The following TRIP13 variants were observed in gnomAD, a reference collection of about 807,000 sequenced individuals.
The protein encoded by TRIP13 is thyroid hormone receptor interactor 13, also known as pachytene checkpoint protein 2 homolog.
A neutral mutation model predicts 54.4 loss-of-function variants in TRIP13; 25 were observed. The observed-to-expected ratio is 0.46, with a 90% CI of 0.33 to 0.64. TRIP13 has a LOEUF of 0.64. Among genes scored for constraint, TRIP13 ranks in the 30% least tolerant of loss-of-function variants. The pLI, the probability that TRIP13 is intolerant of heterozygous loss-of-function variation, is 0.02. For missense variants in TRIP13, 373 were observed against 534.2 expected (o/e 0.70, Z 2.97); for synonymous variants, 207 against 207.8 (o/e 1.00, Z 0.03).
chr5:896,869 G>C, intron 3 of TRIP13, 75 bp downstream of exon 3: 1 of 1,459,212 alleles, frequency 6.9e-7, no homozygotes, highest in Non-Finnish European at 9.2e-7. Flanking sequence ...TCAGTTCACA[G>C]GGGGGGTTCT....
rs770859150 is a variant in TRIP13 at position 892,964 on chromosome 5, G to T, written c.-35G>T. 4.8e-5 allele frequency: 71 copies of T among 1,468,956 alleles called. No homozygotes were observed. Among genetic ancestry groups the T allele is most frequent in the Admixed American group, 2.6e-4 (10 of 38,974 alleles). The allele number at this position is 1,468,956 out of a possible 1,614,324, so 91.0% of individuals were successfully genotyped here. A position where few individuals can be genotyped will look rare whatever the true frequency, so the allele number is the denominator to read the frequency against. On this transcript the variant is annotated 5_prime_UTR_variant, in exon 1 of 13. Coordinates refer to ENST00000166345, the MANE Select transcript of TRIP13 (RefSeq NM_004237.4). ...CTGGGCGTGAGGTGGCGGCGGCCGC[G>T]CCCTGGTTGGGTCCCCACTGCTCTC...
Position 911,738 on chromosome 5 carries a change from G to T in TRIP13, c.867-105G>T, listed in dbSNP as rs947235257. The T allele has an allele frequency of 2.8e-6, 4 of 1,427,426 alleles. No individual in the cohort carries two copies. In the African/African-American group the frequency reaches 5.7e-5, roughly 20 times the overall value. 88.4% of individuals were successfully genotyped at this position (1,427,426 alleles called of 1,614,324 possible). On this transcript the variant is annotated intron_variant, in intron 9 of 12. Transcript: ENST00000166345. The surrounding 1 kb of genome is among the most constrained non-coding windows in gnomAD (Gnocchi z 4.7). ...AAGGCCACTTTCCTTCCTGTTGGCA[G>T]CCTGCTGGCCATCGTCCTGCCAACC...
intron 9 of TRIP13, among the ~76,000 whole-genome samples, chr5:909,169 G>C (rs1432110273): frequency 1.3e-5 from 2 of 152,152 alleles, no homozygotes; most frequent in African/African-American, 2.4e-5. Context: ...GTGTGCAGAT[G>C]GTCCACGTCT....
chr5:900,528 C>T lies in TRIP13; in HGVS notation c.423C>T (p.Tyr141=), dbSNP rs1240211104. Residue 141 remains tyrosine (Y), a synonymous_variant, in exon 4 of 13, where the codon TAC becomes TAT. Coordinates refer to ENST00000166345, the MANE Select transcript of TRIP13 (RefSeq NM_004237.4). The part of the protein sequence containing the change: ...EFHGLWDSLV[Y]DVEVKSHLLD... ...ATGGGCTTTGGGACAGCTTGGTATACGATGTGGAAGTCAAATCCCATGTAA... is the reference window on the plus strand; with the variant it reads ...ATGGGCTTTGGGACAGCTTGGTATATGATGTGGAAGTCAAATCCCATGTAA... 2.0e-5 allele frequency: 32 copies of T among 1,611,556 alleles called. No individual in the cohort carries two copies. Among genetic ancestry groups the T allele is most frequent in the African/African-American group, 2.7e-5 (2 of 74,840 alleles).
chr5:893,449 C>G (rs190497607), intron 1 of TRIP13, among the ~76,000 whole-genome samples: 10 of 152,252 alleles, frequency 6.6e-5, no homozygotes, highest in Non-Finnish European at 1.0e-4. Context: ...AATAGGATGG[C>G]TGCGCATTAC....
At chr5:900,179 A>G (rs1364371475) in intron 3 of TRIP13, among the ~76,000 whole-genome samples, 2 of 152,272 alleles carry the variant, frequency 1.3e-5, no homozygotes, top group African/African-American at 2.4e-5. Flanking sequence ...AATACCTTAA[A>G]GAAGGATGGG....
Position 896,068 on chromosome 5 carries a change from CTG to C in TRIP13, c.259-594_259-593del, listed in dbSNP as rs530428139. On this transcript the variant is annotated intron_variant, in intron 2 of 12. Transcript: ENST00000166345. ...GTGGCTCATGCCTGTAGTCCCAGCA[CTG>C]TGGGAGAAGGATGGAAGGATCACTT... is the stretch of plus-strand genomic sequence containing the variant. Among the ~76,000 whole-genome samples the C allele has an allele frequency of 8.3e-4, 127 of 152,308 alleles. 1 individual carries two copies. Among genetic ancestry groups the C allele is most frequent in the Admixed American group, 5.1e-3 (78 of 15,304 alleles).
intron 2 of TRIP13, among the ~76,000 whole-genome samples, chr5:895,178 C>A (rs1216127185): frequency 2.0e-5 from 3 of 152,158 alleles, no homozygotes; most frequent in Admixed American, 2.0e-4. Context: ...AGATTGGAAA[C>A]CAGGAATGAG....
At position 901,415 on chromosome 5, in the gene TRIP13, G is replaced by A; in HGVS notation, c.519G>A (p.Arg173=). 6.2e-7 allele frequency: 1 copy of A among 1,614,122 alleles called. No homozygotes were observed. Among genetic ancestry groups the A allele is most frequent in the South Asian group, 1.1e-5 (1 of 91,066 alleles). ...NVNSNLITWN[R]VVLLHGPPGT... is the part of the protein sequence containing the mutation. ...ACAGCAACCTCATCACCTGGAACCG[G>A]GTGGTGCTGCTCCACGGTAAATTAT... Residue 173 remains arginine (R), a synonymous_variant, in exon 5 of 13, where the codon CGG becomes CGA. Coordinates refer to ENST00000166345, the MANE Select transcript of TRIP13 (RefSeq NM_004237.4).
intron 5 of TRIP13, among the ~76,000 whole-genome samples, chr5:903,768 T>A (rs180764644): frequency 6.6e-6 from 1 of 152,274 alleles, no homozygotes; most frequent in East Asian, 1.9e-4. Context: ...GAAAGGTGCC[T>A]TGATGAGTGG....
chr5:908,824 G>T lies in TRIP13; in HGVS notation c.866+363G>T, dbSNP rs1039724440. ...ATACAAAAAATTAGCTGGGCATGAT[G>T]GCGGGCGCCTGTAGTCCCAGCTACT... On this transcript the variant is annotated intron_variant, in intron 9 of 12. Coordinates refer to ENST00000166345, the MANE Select transcript of TRIP13 (RefSeq NM_004237.4). This position sits in a 1 kb window ranked among gnomAD's most constrained non-coding sequence, Gnocchi z 5.2. 64 of 331,978 alleles carry T rather than the reference G, an allele frequency of 1.9e-4. No individual in the cohort carries two copies. The highest frequency in any genetic ancestry group is 9.0e-4 in the Admixed American group (19 of 21,074). The allele number at this position is 331,978 out of a possible 1,614,324, so 20.6% of individuals were successfully genotyped here. A position where few individuals can be genotyped will look rare whatever the true frequency, so the allele number is the denominator to read the frequency against.
Position 901,498 on chromosome 5 carries a change from G to A in TRIP13, c.535+67G>A, listed in dbSNP as rs535708451. On this transcript the variant is annotated intron_variant, in intron 5 of 12. Coordinates refer to ENST00000166345, the MANE Select transcript of TRIP13 (RefSeq NM_004237.4). ...AAATTTAGCCTTTACTTGTACCTTCGTCCTTCTGCAAGGAGTTACGGCTCT... is the reference window on the plus strand; with the variant it reads ...AAATTTAGCCTTTACTTGTACCTTCATCCTTCTGCAAGGAGTTACGGCTCT... 3.0e-4 allele frequency: 445 copies of A among 1,494,446 alleles called. 1 individual carries two copies. The highest frequency in any genetic ancestry group is 1.3e-3 in the East Asian group (57 of 44,076). 92.6% of individuals were successfully genotyped at this position (1,494,446 alleles called of 1,614,324 possible). A position where few individuals can be genotyped will look rare whatever the true frequency, so the allele number is the denominator to read the frequency against.
At chr5:910,582 G>A (rs894024694) in intron 9 of TRIP13, among the ~76,000 whole-genome samples, 4 of 152,188 alleles carry the variant, frequency 2.6e-5, no homozygotes, top group Non-Finnish European at 5.9e-5. Flanking sequence ...GGAGGCCACC[G>A]TGACTTCTCC....
rs572828439 is a variant in TRIP13 at position 903,141 on chromosome 5, G to C, written c.536-1007G>C. Among the ~76,000 whole-genome samples, 44 of 152,122 alleles carry C rather than the reference G, an allele frequency of 2.9e-4. 1 individual carries two copies. In the South Asian group the frequency reaches 8.9e-3, roughly 31 times the overall value. On this transcript the variant is annotated intron_variant, in intron 5 of 12. Coordinates refer to ENST00000166345, the MANE Select transcript of TRIP13 (RefSeq NM_004237.4). ...AGAGTCTTCTCTAAACTCCCCGGGGGAAAGGGAGACTCCCTTTCCCGGTCT... is the reference window on the plus strand; with the variant it reads ...AGAGTCTTCTCTAAACTCCCCGGGGCAAAGGGAGACTCCCTTTCCCGGTCT...
At position 911,930 on chromosome 5, in the gene TRIP13, C is replaced by A; in HGVS notation, c.954C>A (p.Tyr318Ter). Residue 318 changes from tyrosine to a stop codon, truncating the protein, a stop_gained, in exon 10 of 13, where the codon TAC becomes TAA. Coordinates refer to ENST00000166345, the MANE Select transcript of TRIP13 (RefSeq NM_004237.4). LOFTEE classifies it high-confidence loss of function. The surrounding 1 kb of genome is among the most constrained non-coding windows in gnomAD (Gnocchi z 4.7). ...AFVDRADIKQ[Y>*]IGPPSAAAIF... ...TGGACAGGGCTGACATCAAGCAGTA[C>A]ATTGGGCCACCCTCTGCAGCAGCCA... 1 of 1,613,798 alleles carries A rather than the reference C, an allele frequency of 6.2e-7. No individual in the cohort carries two copies. The highest frequency in any genetic ancestry group is 8.5e-7 in the Non-Finnish European group (1 of 1,179,986).
At chr5:904,347 C>G (rs915235071) in intron 6 of TRIP13, 127 bp downstream of exon 6, 7 of 727,164 alleles carry the variant, frequency 9.6e-6, no homozygotes, top group Non-Finnish European at 2.2e-6. Flanking sequence ...TCACTTGATT[C>G]CTCTGTATTC....
downstream of TRIP13, among the ~76,000 whole-genome samples, chr5:918,426 C>G (rs917524098): frequency 1.3e-5 from 2 of 152,204 alleles, no homozygotes; most frequent in African/African-American, 2.4e-5. The surrounding 1 kb of genome is among the most constrained non-coding windows in gnomAD (Gnocchi z 4.3). Context: ...ACAGCTCCCC[C>G]ACCTCCACTC....
intron 12 of TRIP13, among the ~76,000 whole-genome samples, chr5:916,795 G>T (rs948062912): frequency 1.5e-4 from 23 of 152,150 alleles, no homozygotes; most frequent in African/African-American, 5.1e-4. Flanking sequence ...GCGGGGGCGG[G>T]GGTCACGTAG....
intron 5 of TRIP13, among the ~76,000 whole-genome samples, chr5:903,572 C>T (rs1754042908): frequency 6.6e-6 from 1 of 152,060 alleles, no homozygotes; most frequent in African/African-American, 2.4e-5. Flanking sequence ...GGTGGCTTGC[C>T]GCCCACATCA....
Sources: gnomAD v4.1 joint callset for allele counts (sites outside exome capture counted in the v4.1 genomes callset) on GRCh38, gnomAD v4.1.1 for gene constraint, Gnocchi (gnomAD v3.1) non-coding constraint, MANE v1.5 for transcripts, NCBI Gene and HGNC (gene_info 2026-07-23, HGNC 2026-07-21) for gene names.